The following LRBA variants were observed in gnomAD, a reference collection of about 807,000 sequenced individuals.
The protein encoded by LRBA is lipopolysaccharide-responsive and beige-like anchor protein.
LRBA carries 176 observed loss-of-function variants against 330.0 expected under a neutral mutation model. The observed-to-expected ratio is 0.53, with a 90% CI of 0.47 to 0.60. LRBA has a LOEUF of 0.60. LRBA is among the 20% of genes least tolerant of loss of function. The pLI is 0.00. For missense variants in LRBA, 3,259 were observed against 3,444.8 expected, an observed-to-expected ratio of 0.95 and a Z score of 1.35; for synonymous variants, 1,230 against 1,193.0, an observed-to-expected ratio of 1.03 and a Z score of -0.64.
chr4:150,808,580 C>T (rs577275528), intron 31 of LRBA, among the ~76,000 whole-genome samples, 182 bp from the exon 32 acceptor site: 95 of 152,312 alleles, frequency 6.2e-4, no homozygotes, highest in African/African-American at 2.1e-3. Flanking sequence ...TAAACCTCAG[C>T]TACAAGCTCA....
chr4:150,986,824 C>G (rs369091869), intron 2 of LRBA, among the ~76,000 whole-genome samples: 10 of 152,222 alleles, frequency 6.6e-5, no homozygotes, highest in Admixed American at 6.5e-4. Flanking sequence ...AGCAACAGCC[C>G]AAGGGGCAAG....
rs79342509 is a variant in LRBA at position 150,869,738 on chromosome 4, C to CA, written c.2449+786dup. Among the ~76,000 whole-genome samples, 94 of 146,046 alleles carry CA rather than the reference C, an allele frequency of 6.4e-4. No homozygotes were observed. In the South Asian group the frequency reaches 7.2e-3, roughly 11 times the overall value. The stretch of plus-strand genomic sequence containing the variant: ...CTTAGCTTCTTAGCTTAAATTAAAA[C>CA]AAAAAAAAAAATTCTTTTAAAAATA... On this transcript the variant is annotated intron_variant, in intron 20 of 56. Transcript: ENST00000651943.
At position 150,754,562 on chromosome 4, in the gene LRBA, T is replaced by TC. The variant is rs1734032765; in HGVS notation, c.5645+7220dup. On this transcript the variant is annotated intron_variant, in intron 35 of 56. Transcript: ENST00000651943. ...AAAAAAGAGAGAGAGAGAGATAAAG[T>TC]CTCTGCTCAATTAATCCACTGTTGA... is the stretch of plus-strand genomic sequence containing the variant. Among the ~76,000 whole-genome samples, 3 of 143,988 alleles carry TC rather than the reference T, an allele frequency of 2.1e-5. No individual in the cohort carries two copies. In the South Asian group the frequency reaches 6.6e-4, roughly 32 times the overall value. 94.5% of individuals were successfully genotyped at this position (143,988 alleles called of 152,430 possible).
intron 2 of LRBA, among the ~76,000 whole-genome samples, chr4:150,953,195 GAAC>G (rs906094252): frequency 1.3e-5 from 2 of 152,012 alleles, no homozygotes; most frequent in African/African-American, 4.8e-5. Context: ...TTTAATAATA[GAAC>G]AACTCAGCAG....
In LRBA at chr4:150,456,380, T is replaced by C. The variant is rs951832036; in HGVS notation, c.6780+11293A>G. ...ATAAGCCATTTTAATTGGAGTGAGA[T>C]GATAGCTCATTGAAGCTTTGATTTG... On this transcript the variant is annotated intron_variant, in intron 44 of 56. Transcript: ENST00000651943. Among the ~76,000 whole-genome samples the C allele has an allele frequency of 2.6e-5, 4 of 152,176 alleles. No homozygotes were observed. The South Asian group carries it at 8.3e-4, about 31-fold the overall frequency.
chr4:150,919,130 A>G (rs570201334), intron 5 of LRBA, among the ~76,000 whole-genome samples: 22 of 152,316 alleles, frequency 1.4e-4, no homozygotes, highest in African/African-American at 5.1e-4. Context: ...AAACATTATG[A>G]TAAGTGAAAA....
intron 22 of LRBA, among the ~76,000 whole-genome samples, chr4:150,857,871 C>T (rs1579013194): frequency 6.6e-6 from 1 of 152,232 alleles, no homozygotes; most frequent in African/African-American, 2.4e-5. Flanking sequence ...ATGCTCTTTA[C>T]TTCTCCATAA....
chr4:150,995,554 A>G (rs1039973411), intron 2 of LRBA, among the ~76,000 whole-genome samples: 1 of 152,076 alleles, frequency 6.6e-6, no homozygotes, highest in African/African-American at 2.4e-5. Flanking sequence ...GTTTCTGGAT[A>G]GAAACATTAC....
intron 37 of LRBA, among the ~76,000 whole-genome samples, chr4:150,639,767 ATATATATATATATATGTGTG>A (rs1271545628): frequency 0.012 from 82 of 6,752 alleles, 9 homozygotes; most frequent in African/African-American, 0.029. Flanking sequence ...ATATATATAT[ATATATATATATATATGTGTG>A]TGTGTATATA....
intron 2 of LRBA, among the ~76,000 whole-genome samples, chr4:150,993,900 A>G (rs1387649349): frequency 6.6e-6 from 1 of 151,824 alleles, no homozygotes; most frequent in East Asian, 1.9e-4. Context: ...ACCCATCCCT[A>G]CTAAAAATAC....
At chr4:150,541,407 T>G (rs1163902901) in intron 40 of LRBA, among the ~76,000 whole-genome samples, 1 of 152,200 alleles carries the variant, frequency 6.6e-6, no homozygotes, top group Non-Finnish European at 1.5e-5. Context: ...ATTGGTTCCT[T>G]TCAAAATTCA....
intron 36 of LRBA, among the ~76,000 whole-genome samples, chr4:150,703,540 T>C (rs1318959143): frequency 1.3e-5 from 2 of 152,224 alleles, no homozygotes; most frequent in Admixed American, 6.5e-5. Flanking sequence ...TATGTAATAT[T>C]TGTTTCCCTC....
intron 33 of LRBA, among the ~76,000 whole-genome samples, chr4:150,805,911 T>A (rs1742723616): frequency 6.6e-6 from 1 of 152,078 alleles, no homozygotes; most frequent in South Asian, 2.1e-4. Context: ...AACAATGCAT[T>A]CCTTATCTGT....
intron 2 of LRBA, among the ~76,000 whole-genome samples, chr4:150,949,490 A>G (rs190607637): frequency 6.6e-6 from 1 of 152,252 alleles, no homozygotes; most frequent in East Asian, 1.9e-4. Context: ...TTATACCAAT[A>G]TCAATATTGT....
chr4:150,915,190 T>A (rs1579190179), intron 8 of LRBA, among the ~76,000 whole-genome samples: 1 of 152,158 alleles, frequency 6.6e-6, no homozygotes, highest in South Asian at 2.1e-4. Flanking sequence ...AATTTCATTC[T>A]AACCTATAGA....
At chr4:150,909,542 A>G (rs1731731872) in intron 9 of LRBA, among the ~76,000 whole-genome samples, 2 of 152,084 alleles carry the variant, frequency 1.3e-5, no homozygotes, top group African/African-American at 4.8e-5. Context: ...GCTACTGGAC[A>G]TGTGGGTTAC....
At position 150,265,470 on chromosome 4, in the gene LRBA, A is replaced by AAAAT. The variant is rs1055779816; in HGVS notation, c.*248_*251dup. ...CCACTGTATGTTTCCATAATTGGTG[A>AAAAT]AAATAGACTTCTCATTATGACTAAA... On this transcript the variant is annotated 3_prime_UTR_variant, in exon 57 of 57. Coordinates refer to ENST00000651943, the MANE Select transcript of LRBA (RefSeq NM_001364905.1). 1 of 337,802 alleles carries AAAAT rather than the reference A, an allele frequency of 3.0e-6. No homozygotes were observed. Among genetic ancestry groups the AAAAT allele is most frequent in the Admixed American group, 3.9e-5 (1 of 25,432 alleles). 20.9% of individuals were successfully genotyped at this position (337,802 alleles called of 1,614,324 possible).
intron 36 of LRBA, among the ~76,000 whole-genome samples, chr4:150,715,921 G>A (rs1440114423): frequency 1.3e-5 from 2 of 152,144 alleles, no homozygotes; most frequent in African/African-American, 2.4e-5. Flanking sequence ...ATGCACTAGT[G>A]ACAAACACAA....
Position 151,014,703 on chromosome 4 carries a change from A to C in LRBA, c.-61T>G, listed in dbSNP as rs1341768037. 1.8e-6 allele frequency: 2 copies of C among 1,120,602 alleles called. No individual in the cohort carries two copies. The highest frequency in any genetic ancestry group is 2.5e-5 in the East Asian group (1 of 39,672). The allele number at this position is 1,120,602 out of a possible 1,614,324, so 69.4% of individuals were successfully genotyped here. On this transcript the variant is annotated 5_prime_UTR_variant, in exon 2 of 57. It adds an upstream start codon to the 5' untranslated region. Transcript: ENST00000651943. ...CTGGGACGGCAGTCGCTGCACTGGT[A>C]ATGAGCACAACACACGCAATGCAAA...
Sources: allele counts gnomAD v4.1 joint callset (sites outside exome capture counted in the v4.1 genomes callset), GRCh38; gene constraint gnomAD v4.1.1; transcripts MANE v1.5; gene names NCBI Gene and HGNC (gene_info 2026-07-23, HGNC 2026-07-21).